The following HS6ST3 variants were observed in gnomAD, a reference collection of about 807,000 sequenced individuals.
The protein encoded by HS6ST3 is heparan-sulfate 6-O-sulfotransferase 3.
A neutral mutation model predicts 36.7 loss-of-function variants in HS6ST3; 12 were observed. The ratio of observed to expected loss-of-function variants is 0.33; its 90% CI spans 0.21 to 0.53. The LOEUF is 0.53. Ranked by LOEUF, HS6ST3 falls within the 20% of genes least tolerant of loss-of-function variation. The pLI is 0.95. For missense variants in HS6ST3, 584 were observed against 640.9 expected (o/e 0.91, Z 0.96); for synonymous variants, 240 against 257.5 (o/e 0.93, Z 0.65).
intron 1 of HS6ST3, among the ~76,000 whole-genome samples, chr13:96,181,774 G>A (rs1465646192): frequency 6.6e-6 from 1 of 152,096 alleles, no homozygotes; most frequent in Non-Finnish European, 1.5e-5. Context: ...TAGAACCCCC[G>A]CCCTTCAAAG....
At chr13:96,353,401 G>C (rs567749409) in intron 1 of HS6ST3, among the ~76,000 whole-genome samples, 13 of 149,050 alleles carry the variant, frequency 8.7e-5, no homozygotes, top group African/African-American at 2.7e-4. Context: ...TTTCACATTA[G>C]TGGAAACAAT....
chr13:96,424,948 G>A (rs2055579245), intron 1 of HS6ST3, among the ~76,000 whole-genome samples: 1 of 152,172 alleles, frequency 6.6e-6, no homozygotes, highest in African/African-American at 2.4e-5. Context: ...AAAATGGGAT[G>A]TGTAATTCTG....
In HS6ST3 at chr13:96,262,694, G is replaced by A. The variant is rs147511347; in HGVS notation, c.707+171125G>A. ...CTGTTGTACTCATGCATCAACCAGA[G>A]AGCTGGGAAAGTTCCTTTCTCTTTA... On this transcript the variant is annotated intron_variant, in intron 1 of 1. Coordinates refer to ENST00000376705, the MANE Select transcript of HS6ST3 (RefSeq NM_153456.4). Among the ~76,000 whole-genome samples the A allele has an allele frequency of 7.2e-4, 109 of 152,266 alleles. 2 individuals are homozygous for A. Among genetic ancestry groups the A allele is most frequent in the African/African-American group, 2.5e-3 (105 of 41,554 alleles).
At chr13:96,316,124 T>C (rs1271287989) in intron 1 of HS6ST3, among the ~76,000 whole-genome samples, 2 of 152,218 alleles carry the variant, frequency 1.3e-5, no homozygotes, top group East Asian at 1.9e-4. Context: ...TGGACCACTA[T>C]AGACGTATAA....
chr13:96,284,584 T>C (rs1203996485), intron 1 of HS6ST3, among the ~76,000 whole-genome samples: 1 of 152,170 alleles, frequency 6.6e-6, no homozygotes, highest in Non-Finnish European at 1.5e-5. Context: ...TGGGTCTGCC[T>C]TTCCCTGTCC....
chr13:96,159,948 G>A (rs1239447347), intron 1 of HS6ST3, among the ~76,000 whole-genome samples: 2 of 152,118 alleles, frequency 1.3e-5, no homozygotes, highest in African/African-American at 4.8e-5. Flanking sequence ...GACTTTGGAT[G>A]TATGACTTCA....
chr13:96,188,571 C>T (rs1035838912), intron 1 of HS6ST3, among the ~76,000 whole-genome samples: 1 of 152,168 alleles, frequency 6.6e-6, no homozygotes, highest in Non-Finnish European at 1.5e-5. Flanking sequence ...AATATATATG[C>T]TTCCTCACTT....
intron 1 of HS6ST3, among the ~76,000 whole-genome samples, chr13:96,109,896 A>G (rs968223961): frequency 6.6e-6 from 1 of 152,202 alleles, no homozygotes; most frequent in African/African-American, 2.4e-5. Context: ...CATTGGAAAT[A>G]AAAAGGTGAA....
intron 1 of HS6ST3, among the ~76,000 whole-genome samples, chr13:96,268,009 A>AAG (rs146778586): frequency 1.9e-4 from 29 of 149,814 alleles, no homozygotes; most frequent in African/African-American, 4.7e-4. Context: ...CTCAAGTGCA[A>AAG]AGAGAGAGAG....
chr13:96,458,881 A>G lies in HS6ST3; in HGVS notation c.707+367312A>G, dbSNP rs961148195. 7.2e-5 allele frequency among the ~76,000 whole-genome samples: 11 copies of G among 152,034 alleles called. No homozygotes were observed. The South Asian group carries it at 1.5e-3, about 20-fold the overall frequency. The stretch of plus-strand genomic sequence containing the variant: ...CTTTGGGAGGCCAATGGGGGTGTGG[A>G]TCACCTGAGGTCAGGAGTTCGAGAC... On this transcript the variant is annotated intron_variant, in intron 1 of 1. Coordinates refer to ENST00000376705, the MANE Select transcript of HS6ST3 (RefSeq NM_153456.4).
chr13:96,302,486 TTATC>T (rs1290823047), intron 1 of HS6ST3, among the ~76,000 whole-genome samples: 1 of 152,136 alleles, frequency 6.6e-6, no homozygotes, highest in African/African-American at 2.4e-5. Flanking sequence ...TTATAACTCT[TTATC>T]TATTGTTGAA....
At chr13:96,496,525 C>T (rs929081567) in intron 1 of HS6ST3, among the ~76,000 whole-genome samples, 6 of 152,102 alleles carry the variant, frequency 3.9e-5, no homozygotes, top group African/African-American at 1.4e-4. Flanking sequence ...TACCTGAGAC[C>T]ACCATGTCTC....
chr13:96,672,094 ACTG>A (rs1442080844), intron 1 of HS6ST3, among the ~76,000 whole-genome samples: 1 of 152,070 alleles, frequency 6.6e-6, no homozygotes, highest in Non-Finnish European at 1.5e-5. Flanking sequence ...CCATGCTCAG[ACTG>A]CTATTAATTT....
intron 1 of HS6ST3, among the ~76,000 whole-genome samples, chr13:96,177,921 T>C (rs2054220251): frequency 6.6e-6 from 1 of 152,216 alleles, no homozygotes; most frequent in Non-Finnish European, 1.5e-5. Flanking sequence ...ATTGTGGTTT[T>C]AAAATGATCA....
intron 1 of HS6ST3, among the ~76,000 whole-genome samples, chr13:96,683,250 G>A (rs574914164): frequency 6.6e-6 from 1 of 152,156 alleles, no homozygotes; most frequent in Admixed American, 6.6e-5. Context: ...CTGTGCCTCA[G>A]TTAGAAATGT....
At chr13:96,618,672 A>G (rs1188192276) in intron 1 of HS6ST3, among the ~76,000 whole-genome samples, 2 of 152,182 alleles carry the variant, frequency 1.3e-5, no homozygotes. Context: ...ACGTGGTACA[A>G]TGCCTAACGC....
At chr13:96,447,086 G>A (rs923650626) in intron 1 of HS6ST3, among the ~76,000 whole-genome samples, 5 of 152,062 alleles carry the variant, frequency 3.3e-5, no homozygotes, top group Non-Finnish European at 7.4e-5. Flanking sequence ...GTGTTCTGTT[G>A]ACTGGGATTT....
chr13:96,162,801 G>GTGTTTTT lies in HS6ST3; in HGVS notation c.707+71237_707+71238insTTTGTTT, dbSNP rs2054142079. On this transcript the variant is annotated intron_variant, in intron 1 of 1. Coordinates refer to ENST00000376705, the MANE Select transcript of HS6ST3 (RefSeq NM_153456.4). ...AGTTCTTTTTCATGTTTTGTGTTTT[G>GTGTTTTT]TGTTTGGATTATGTAGTTTGGTTTA... Among the ~76,000 whole-genome samples, 3 of 151,998 alleles carry GTGTTTTT rather than the reference G, an allele frequency of 2.0e-5. No individual in the cohort carries two copies. In the South Asian group the frequency reaches 6.2e-4, roughly 32 times the overall value.
chr13:96,697,044 A>G (rs1433945854), intron 1 of HS6ST3, among the ~76,000 whole-genome samples: 1 of 152,178 alleles, frequency 6.6e-6, no homozygotes, highest in Non-Finnish European at 1.5e-5. Context: ...CAGATCACTT[A>G]TAATAACTAT....
Sources: allele counts gnomAD v4.1 joint callset (sites outside exome capture counted in the v4.1 genomes callset), GRCh38; gene constraint gnomAD v4.1.1; transcripts MANE v1.5; gene names NCBI Gene and HGNC (gene_info 2026-07-23, HGNC 2026-07-21).